The following SLC12A5 variants were observed in gnomAD, a reference collection of about 807,000 sequenced individuals.
SLC12A5 encodes the protein solute carrier family 12 member 5.
A neutral mutation model predicts 124.0 loss-of-function variants in SLC12A5; 18 were observed. The observed-to-expected ratio is 0.15, with a 90% confidence interval of 0.10 to 0.22. The LOEUF (loss-of-function observed/expected upper bound fraction) is 0.22. Among genes scored for constraint, SLC12A5 ranks in the 10% least tolerant of loss-of-function variants. SLC12A5 has a pLI of 1.00. For missense variants in SLC12A5, 867 were observed against 1,478.7 expected (o/e 0.59, Z 6.78); for synonymous variants, 589 against 568.0 (o/e 1.04, Z -0.53).
Position 46,051,885 on chromosome 20 carries a change from G to T in SLC12A5, c.2377+15G>T. ...GAACTTCATTGGTAACGCTATTGGG[G>T]GCTGGGGACAGAAGAGGGGTGGGGC... On this transcript the variant is annotated intron_variant, in intron 18 of 25. Transcript: ENST00000243964. The T allele has an allele frequency of 2.0e-6, 3 of 1,537,612 alleles. No homozygotes were observed. Among genetic ancestry groups the T allele is most frequent in the Non-Finnish European group, 2.6e-6 (3 of 1,142,560 alleles).
At chr20:46,040,215 G>A (rs1046617517) in intron 6 of SLC12A5, among the ~76,000 whole-genome samples, 158 bp from the exon 7 acceptor site, 6 of 152,208 alleles carry the variant, frequency 3.9e-5, no homozygotes, top group Non-Finnish European at 4.4e-5. Context: ...TGCAGGACAG[G>A]CCATGCCTTC....
At chr20:46,037,520 GT>G in intron 6 of SLC12A5, 135 bp downstream of exon 6, 1 of 994,650 alleles carries the variant, frequency 1.0e-6, no homozygotes, top group Non-Finnish European at 1.4e-6. Flanking sequence ...GTCAGATGTG[GT>G]TCTGTTTCTA....
intron 18 of SLC12A5, 34 bp downstream of exon 18, chr20:46,051,904 G>A (rs2084650331): frequency 3.0e-6 from 4 of 1,328,422 alleles, no homozygotes; most frequent in East Asian, 2.7e-5. Flanking sequence ...CAGAAGAGGG[G>A]TGGGGCTGGG....
rs1342550066 is a variant in SLC12A5, at chr20:46,058,892, T to C, written c.*1287T>C. ...GTGCTCTGGGGCCGGGCCTCGCTGC[T>C]TAGCAGCGGCCTCTAGCTCCGTCTC... is the stretch of plus-strand genomic sequence containing the variant. On this transcript the variant is annotated 3_prime_UTR_variant, in exon 26 of 26. Transcript: ENST00000243964. This position sits in a 1 kb window ranked among gnomAD's most constrained non-coding sequence, Gnocchi z 5.8. The C allele has an allele frequency of 2.3e-5, 9 of 397,042 alleles. No homozygotes were observed. The highest frequency in any genetic ancestry group is 3.5e-5 in the Non-Finnish European group (8 of 225,740). 24.6% of individuals were successfully genotyped at this position (397,042 alleles called of 1,614,324 possible).
upstream of SLC12A5, among the ~76,000 whole-genome samples, chr20:46,028,261 G>T (rs904540615): frequency 6.6e-6 from 1 of 152,164 alleles, no homozygotes; most frequent in Non-Finnish European, 1.5e-5. Context: ...AAACCGACAG[G>T]CGGCCTCATT....
rs192325760 is a variant in SLC12A5 at position 46,046,003 on chromosome 20, G to A, written c.1688+7G>A. ...TGGCCCCCATCCTCTCTATGTGCGT[G>A]CCTGACTTCTTGCCCTCCCCCCTGG... is the stretch of plus-strand genomic sequence containing the variant. On this transcript the variant is annotated splice_region_variant and intron_variant, in intron 13 of 25. Transcript: ENST00000243964. 1.6e-5 allele frequency: 25 copies of A among 1,612,382 alleles called. No individual in the cohort carries two copies. The East Asian group carries it at 4.7e-4, about 30-fold the overall frequency.
upstream of SLC12A5, chr20:46,021,704 C>A: frequency 3.9e-6 from 6 of 1,522,326 alleles, no homozygotes; most frequent in Non-Finnish European, 5.3e-6. Flanking sequence ...CTCCTAGAGC[C>A]TGGTTGCAGC....
intron 1 of SLC12A5, among the ~76,000 whole-genome samples, chr20:46,030,937 C>T (rs556977365): frequency 6.6e-6 from 1 of 152,142 alleles, no homozygotes; most frequent in East Asian, 2.0e-4. Flanking sequence ...CAGCATCCGC[C>T]CCCTCCCCCG....
rs779599482 is a variant in SLC12A5 at position 46,045,207 on chromosome 20, C to A, written c.1569+67C>A. 2 of 1,497,058 alleles carry A rather than the reference C, an allele frequency of 1.3e-6. No homozygotes were observed. The highest frequency in any genetic ancestry group is 1.3e-5 in the South Asian group (1 of 75,878). The allele number at this position is 1,497,058 out of a possible 1,614,324, so 92.7% of individuals were successfully genotyped here. A position where few individuals can be genotyped will look rare whatever the true frequency, so the allele number is the denominator to read the frequency against. ...CAGGCCCCTGCCCAGAGAGACCACA[C>A]AGTGACCCAGGGCCATAACCAGCCT... On this transcript the variant is annotated intron_variant, in intron 12 of 25. Transcript: ENST00000243964. The surrounding 1 kb of genome is among the most constrained non-coding windows in gnomAD (Gnocchi z 4.9).
intron 21 of SLC12A5, 21 bp downstream of exon 21, chr20:46,055,044 C>G (rs752119592): frequency 6.3e-7 from 1 of 1,585,572 alleles, no homozygotes; most frequent in Non-Finnish European, 8.7e-7. Flanking sequence ...CCTGGCTGGC[C>G]CCTGAGAGCC....
At chr20:46,023,534 C>T (rs1028491128) in exon 3 of SLC12A5, 9 of 398,588 alleles carry the variant, frequency 2.3e-5, no homozygotes, top group Non-Finnish European at 3.1e-5. Context: ...CCTAGCCCTC[C>T]TCCACAGAAG....
chr20:46,053,724 G>C lies in SLC12A5; in HGVS notation c.2679+15G>C. The C allele has an allele frequency of 6.4e-7, 1 of 1,561,444 alleles. No homozygotes were observed. Among genetic ancestry groups the C allele is most frequent in the Non-Finnish European group, 8.7e-7 (1 of 1,149,620 alleles). On this transcript the variant is annotated intron_variant, in intron 20 of 25. Transcript: ENST00000243964. This position sits in a 1 kb window ranked among gnomAD's most constrained non-coding sequence, Gnocchi z 4.7. Reference sequence around the variant, plus strand: ...TGGTGGAGATGGTGAGTCCCCAGGAGACACCGCTGGGGTTCCACCTGGCCC... The same window carrying C: ...TGGTGGAGATGGTGAGTCCCCAGGACACACCGCTGGGGTTCCACCTGGCCC...
At chr20:46,040,919 C>A (rs926282817) in intron 7 of SLC12A5, 2 of 441,636 alleles carry the variant, frequency 4.5e-6, no homozygotes, top group East Asian at 9.2e-5. Context: ...GTAGGGAAAC[C>A]TTTCCTGGGT....
intron 1 of SLC12A5, 29 bp from the exon 2 acceptor site, chr20:46,034,919 C>T (rs908087327): frequency 3.0e-5 from 48 of 1,608,194 alleles, no homozygotes; most frequent in Non-Finnish European, 4.1e-5. Flanking sequence ...CTGATTGGTT[C>T]CAGATCCCTG....
At chr20:46,050,151 G>A (rs959441180) in intron 17 of SLC12A5, among the ~76,000 whole-genome samples, 1 of 152,248 alleles carries the variant, frequency 6.6e-6, no homozygotes, top group Non-Finnish European at 1.5e-5. Context: ...TTTCCCAGCT[G>A]TGGACTCTTG....
In SLC12A5 at chr20:46,040,554, T is replaced by G; in HGVS notation, c.794T>G (p.Leu265Arg). Residue 265 changes from leucine (L) to arginine (R), a missense_variant, in exon 7 of 26, where the codon CTC becomes CGC. Physicochemically the swap from Leu to Arg is moderately radical, Grantham distance 102. Around this residue, in one of 9 missense-constraint regions of SLC12A5, gnomAD observed 127 missense variants for 164.1 expected, o/e 0.77. Transcript: ENST00000243964. ...CTTGTCTTCCTGGGTTGTGTCATCC[T>G]CTCCATCCTGGCCATCTATGCTGGG... ...FALVFLGCVI[L>R]SILAIYAGVI... 1 of 1,614,192 alleles carries G rather than the reference T, an allele frequency of 6.2e-7. No individual in the cohort carries two copies. The highest frequency in any genetic ancestry group is 8.5e-7 in the Non-Finnish European group (1 of 1,180,046).
upstream of SLC12A5, chr20:46,029,135 C>A (rs2084422276): frequency 2.2e-6 from 3 of 1,392,216 alleles, no homozygotes; most frequent in Non-Finnish European, 2.8e-6. Flanking sequence ...ATGAGGTGAG[C>A]AGCGCCGCTG....
chr20:46,044,014 G>A (rs920742234), intron 11 of SLC12A5, 81 bp downstream of exon 11: 25 of 1,417,424 alleles, frequency 1.8e-5, no homozygotes, highest in Non-Finnish European at 2.4e-5. Flanking sequence ...CCCATCAGGA[G>A]GTGCTGGGAC....
intron 4 of SLC12A5, 129 bp from the exon 5 acceptor site, chr20:46,036,612 C>T (rs1485773838): frequency 3.3e-6 from 3 of 912,336 alleles, no homozygotes; most frequent in Non-Finnish European, 5.2e-6. Context: ...TGGAACAGGT[C>T]CAGGGAGCAG....
Sources: gnomAD v4.1 joint callset for allele counts (sites outside exome capture counted in the v4.1 genomes callset) on GRCh38, gnomAD v4.1.1 for gene constraint, gnomAD v4.1.1 regional missense constraint, Gnocchi (gnomAD v3.1) non-coding constraint, MANE v1.5 for transcripts, NCBI Gene and HGNC (gene_info 2026-07-23, HGNC 2026-07-21) for gene names.